Variants in SLC9A9 observed in about 807,000 individuals in gnomAD.
SLC9A9 encodes the protein solute carrier family 9 member A9.
Under a neutral mutation model 77.8 loss-of-function variants are expected in SLC9A9, and 62 were observed. The ratio of observed to expected loss-of-function variants is 0.80; its 90% CI spans 0.65 to 0.98. The LOEUF (loss-of-function observed/expected upper bound fraction) is 0.98. SLC9A9 is among the 50% of genes least tolerant of loss of function. The pLI, the probability that SLC9A9 is intolerant of heterozygous loss-of-function variation, is 0.00. For synonymous variants in SLC9A9, 320 were observed against 283.5 expected, an observed-to-expected ratio of 1.13 and a Z score of -1.29; for missense variants, 775 against 774.9, an observed-to-expected ratio of 1.00 and a Z score of 0.00.
chr3:143,586,382 C>T (rs2037541981), intron 6 of SLC9A9, among the ~76,000 whole-genome samples: 1 of 151,580 alleles, frequency 6.6e-6, no homozygotes, highest in Admixed American at 6.6e-5. Flanking sequence ...TCCACATCTA[C>T]AGCTGCCTTG....
intron 6 of SLC9A9, among the ~76,000 whole-genome samples, chr3:143,579,319 G>A (rs2108663662): frequency 6.6e-6 from 1 of 152,230 alleles, no homozygotes; most frequent in South Asian, 2.1e-4. Context: ...AAAACAAATG[G>A]CAACAGCTGC....
intron 5 of SLC9A9, among the ~76,000 whole-genome samples, chr3:143,685,166 G>A (rs1056016730): frequency 1.3e-5 from 2 of 151,910 alleles, no homozygotes; most frequent in Non-Finnish European, 2.9e-5. Flanking sequence ...AATTTTATAG[G>A]ATATTTTATT....
intron 14 of SLC9A9, among the ~76,000 whole-genome samples, chr3:143,344,970 G>A (rs953573078): frequency 3.3e-5 from 5 of 152,094 alleles, no homozygotes; most frequent in African/African-American, 1.2e-4. Flanking sequence ...CAGTAAAACT[G>A]GTAAAAGATG....
intron 14 of SLC9A9, among the ~76,000 whole-genome samples, chr3:143,317,172 A>G (rs1364881717): frequency 6.6e-6 from 1 of 152,190 alleles, no homozygotes; most frequent in Non-Finnish European, 1.5e-5. Context: ...TCAGTGATTA[A>G]AAACACTAAT....
At chr3:143,395,682 T>A (rs1472401299) in intron 12 of SLC9A9, among the ~76,000 whole-genome samples, 1 of 151,952 alleles carries the variant, frequency 6.6e-6, no homozygotes, top group Non-Finnish European at 1.5e-5. Flanking sequence ...TGGGAGAAAA[T>A]TTTTGCAATC....
intron 6 of SLC9A9, among the ~76,000 whole-genome samples, chr3:143,640,140 G>A (rs1315219147): frequency 4.7e-5 from 7 of 150,066 alleles, no homozygotes; most frequent in African/African-American, 1.7e-4. Context: ...TCCTGCCTCA[G>A]CCTCCCAGTT....
intron 2 of SLC9A9, among the ~76,000 whole-genome samples, chr3:143,818,266 G>C (rs2009072666): frequency 6.6e-6 from 1 of 152,000 alleles, no homozygotes; most frequent in Admixed American, 6.6e-5. Flanking sequence ...GCTGAAAAAT[G>C]GAAGATAAGA....
intron 12 of SLC9A9, among the ~76,000 whole-genome samples, chr3:143,386,549 G>C (rs1034818563): frequency 6.6e-6 from 1 of 152,202 alleles, no homozygotes; most frequent in Non-Finnish European, 1.5e-5. Flanking sequence ...GATTAAGTAA[G>C]AAAATAGCTT....
chr3:143,796,581 C>T (rs1376516412), intron 3 of SLC9A9, among the ~76,000 whole-genome samples: 1 of 152,054 alleles, frequency 6.6e-6, no homozygotes, highest in East Asian at 1.9e-4. Context: ...TAAAGAACAT[C>T]TCGATTCAGA....
intron 6 of SLC9A9, among the ~76,000 whole-genome samples, chr3:143,641,360 A>G (rs955906266): frequency 1.3e-5 from 2 of 151,378 alleles, no homozygotes; most frequent in South Asian, 2.1e-4. Flanking sequence ...TTACCAAATT[A>G]AAAAGAATTA....
intron 13 of SLC9A9, among the ~76,000 whole-genome samples, chr3:143,363,810 A>C (rs971128327): frequency 2.0e-4 from 30 of 152,186 alleles, no homozygotes; most frequent in Admixed American, 6.5e-4. Flanking sequence ...TTAAATAGCT[A>C]AGAAATGCTA....
intron 13 of SLC9A9, among the ~76,000 whole-genome samples, chr3:143,365,270 C>G (rs558306606): frequency 1.3e-5 from 2 of 152,086 alleles, no homozygotes; most frequent in Non-Finnish European, 2.9e-5. Context: ...ACACTGGGGC[C>G]TACCTGAGGG....
At chr3:143,762,921 C>T (rs2007183507) in intron 4 of SLC9A9, among the ~76,000 whole-genome samples, 1 of 152,134 alleles carries the variant, frequency 6.6e-6, no homozygotes, top group East Asian at 1.9e-4. Flanking sequence ...TCAACTCAGA[C>T]AAACAGTGGG....
intron 11 of SLC9A9, among the ~76,000 whole-genome samples, chr3:143,468,610 C>A (rs2035324180): frequency 6.6e-6 from 1 of 152,038 alleles, no homozygotes; most frequent in South Asian, 2.1e-4. Flanking sequence ...GCTGTATATA[C>A]AAAAGAAACT....
At chr3:143,701,500 A>G (rs1933800524) in intron 4 of SLC9A9, among the ~76,000 whole-genome samples, 1 of 152,236 alleles carries the variant, frequency 6.6e-6, no homozygotes, top group South Asian at 2.1e-4. Context: ...CTGGAGTTGA[A>G]AAATGCAATT....
chr3:143,281,351 C>T (rs972524322), intron 14 of SLC9A9, among the ~76,000 whole-genome samples: 12 of 152,078 alleles, frequency 7.9e-5, no homozygotes, highest in Non-Finnish European at 1.0e-4. Context: ...CTAACCTATT[C>T]TAATACAGTA....
At chr3:143,669,464 T>C (rs1036946425) in intron 5 of SLC9A9, among the ~76,000 whole-genome samples, 4 of 152,214 alleles carry the variant, frequency 2.6e-5, no homozygotes, top group Non-Finnish European at 1.5e-5. Context: ...CGGTTTTCAG[T>C]ATGTTCTCGA....
At chr3:143,797,189 T>TGTATATAAAATATATATA (rs2008408366) in intron 2 of SLC9A9, among the ~76,000 whole-genome samples, 1 of 147,780 alleles carries the variant, frequency 6.8e-6, no homozygotes, top group Non-Finnish European at 1.5e-5. Context: ...TATATATATA[T>TGTATATAAAATATATATA]AAAATATATA....
At chr3:143,358,111 C>A (rs866597485) in intron 14 of SLC9A9, among the ~76,000 whole-genome samples, 58 of 151,260 alleles carry the variant, frequency 3.8e-4, no homozygotes, top group African/African-American at 1.4e-3. Flanking sequence ...TTGAATGCCC[C>A]TGATATTTAT....
Sources: gnomAD v4.1 joint callset for allele counts (sites outside exome capture counted in the v4.1 genomes callset) on GRCh38, gnomAD v4.1.1 for gene constraint, MANE v1.5 for transcripts, NCBI Gene and HGNC (gene_info 2026-07-23, HGNC 2026-07-21) for gene names.